Variants in FSTL4 observed in about 807,000 individuals in gnomAD.
FSTL4 encodes the protein follistatin-related protein 4.
A neutral mutation model predicts 78.2 loss-of-function variants in FSTL4; 28 were observed. The ratio of observed to expected loss-of-function variants is 0.36; its 90% CI spans 0.27 to 0.49. FSTL4 has a LOEUF of 0.49. Among genes scored for constraint, FSTL4 ranks in the 20% least tolerant of loss-of-function variants. The probability of loss-of-function intolerance (pLI) is 0.98; values close to 1 mark genes in which losing one functional copy is unlikely to be tolerated. For synonymous variants in FSTL4, 422 were observed against 440.5 expected (o/e 0.96, Z 0.53); for missense variants, 922 against 1,084.9 (o/e 0.85, Z 2.11).
chr5:133,475,616 A>G (rs1045801692), intron 3 of FSTL4, among the ~76,000 whole-genome samples: 2 of 152,252 alleles, frequency 1.3e-5, no homozygotes, highest in African/African-American at 4.8e-5. Flanking sequence ...GCAAAGTCTC[A>G]GGTGCAGGTG....
rs113288000 is a variant in FSTL4 at position 133,272,132 on chromosome 5, A to G, written c.728-22556T>C. Among the ~76,000 whole-genome samples the G allele has an allele frequency of 5.3e-3, 809 of 152,364 alleles. 6 individuals are homozygous for G. Among genetic ancestry groups the G allele is most frequent in the African/African-American group, 0.019 (779 of 41,582 alleles). ...AACAGGAGACATCCCAACAAGGGGA[A>G]TGTACCAGGAATGTCAATTCCTACA... On this transcript the variant is annotated intron_variant, in intron 6 of 15. Coordinates refer to ENST00000265342, the MANE Select transcript of FSTL4 (RefSeq NM_015082.2).
At chr5:133,530,251 A>C (rs757539682) in intron 3 of FSTL4, among the ~76,000 whole-genome samples, 1 of 152,210 alleles carries the variant, frequency 6.6e-6, no homozygotes, top group Non-Finnish European at 1.5e-5. Flanking sequence ...CATCTTCTGA[A>C]GCTGCAGCAT....
chr5:133,316,738 C>T, intron 4 of FSTL4, 86 bp from the exon 5 acceptor site: 1 of 1,101,570 alleles, frequency 9.1e-7, no homozygotes, highest in South Asian at 1.5e-5. Flanking sequence ...TCATCTCACT[C>T]ACAAATAGCC....
At chr5:133,753,727 G>GTGTGTGTGTA in the FSTL4 span, among the ~76,000 whole-genome samples, 7,213 of 134,234 alleles carry the variant, frequency 0.054, 238 homozygotes, top group Middle Eastern at 0.075. Flanking sequence ...GTGTGTGTGT[G>GTGTGTGTGTA]TAGTGGCAGG....
the FSTL4 span, among the ~76,000 whole-genome samples, chr5:133,828,893 G>T: frequency 6.6e-6 from 1 of 152,198 alleles, no homozygotes; most frequent in Non-Finnish European, 1.5e-5. Context: ...TTTTGATGCT[G>T]TAACTCAATT....
chr5:133,335,413 G>T (rs769463051), intron 4 of FSTL4, among the ~76,000 whole-genome samples: 3 of 151,922 alleles, frequency 2.0e-5, no homozygotes, highest in Non-Finnish European at 4.4e-5. Flanking sequence ...TTCAGCTCAC[G>T]TGACACAAAA....
At chr5:133,433,795 C>A (rs113700506) in intron 3 of FSTL4, among the ~76,000 whole-genome samples, 2 of 151,992 alleles carry the variant, frequency 1.3e-5, no homozygotes, top group African/African-American at 4.8e-5. Context: ...GGGGGAAGCA[C>A]GGCAGGCAGA....
At chr5:133,695,952 C>G in the FSTL4 span, among the ~76,000 whole-genome samples, 18 of 152,232 alleles carry the variant, frequency 1.2e-4, no homozygotes, top group African/African-American at 4.1e-4. Flanking sequence ...GGCCAGCCCA[C>G]CTCCCTCATT....
At chr5:133,436,384 C>T (rs1315959948) in intron 3 of FSTL4, among the ~76,000 whole-genome samples, 1 of 151,962 alleles carries the variant, frequency 6.6e-6, no homozygotes, top group Non-Finnish European at 1.5e-5. Context: ...TGACCTGTGG[C>T]AGGAAGGAGT....
intron 3 of FSTL4, among the ~76,000 whole-genome samples, chr5:133,493,885 A>T (rs10066646): frequency 6.6e-6 from 1 of 152,318 alleles, no homozygotes; most frequent in African/African-American, 2.4e-5. Context: ...TCTGCCGGAT[A>T]TTGAACCTTC....
At chr5:133,802,450 A>G in the FSTL4 span, among the ~76,000 whole-genome samples, 1 of 152,156 alleles carries the variant, frequency 6.6e-6, no homozygotes, top group Non-Finnish European at 1.5e-5. Flanking sequence ...GGCAAATACA[A>G]CATCACTGAA....
the FSTL4 span, among the ~76,000 whole-genome samples, chr5:133,804,102 C>G: frequency 6.6e-6 from 1 of 152,202 alleles, no homozygotes; most frequent in African/African-American, 2.4e-5. Flanking sequence ...CATCCCACCT[C>G]CAACAATTGG....
chr5:133,548,304 T>C (rs549538739), intron 3 of FSTL4, among the ~76,000 whole-genome samples: 1 of 151,582 alleles, frequency 6.6e-6, no homozygotes, highest in South Asian at 2.1e-4. Flanking sequence ...ACCCTGAACC[T>C]ATGGTTAGCG....
At chr5:133,780,189 C>T in the FSTL4 span, among the ~76,000 whole-genome samples, 5 of 152,192 alleles carry the variant, frequency 3.3e-5, no homozygotes, top group South Asian at 2.1e-4. Flanking sequence ...GAGGCCAGTC[C>T]GCCAATGCAG....
the FSTL4 span, among the ~76,000 whole-genome samples, chr5:133,691,333 C>G: frequency 6.6e-6 from 1 of 152,094 alleles, no homozygotes; most frequent in African/African-American, 2.4e-5. Flanking sequence ...CAATGTATCT[C>G]TAATGTCTTC....
At chr5:133,379,225 A>G (rs1166588224) in intron 4 of FSTL4, among the ~76,000 whole-genome samples, 1 of 152,164 alleles carries the variant, frequency 6.6e-6, no homozygotes, top group Admixed American at 6.5e-5. Flanking sequence ...AGTTTTAGAC[A>G]TATACACATC....
chr5:133,323,965 A>G (rs1292982210), intron 4 of FSTL4, among the ~76,000 whole-genome samples: 1 of 152,150 alleles, frequency 6.6e-6, no homozygotes, highest in East Asian at 1.9e-4. Flanking sequence ...TCTCATTCCC[A>G]CTGCACTCCC....
intron 3 of FSTL4, among the ~76,000 whole-genome samples, chr5:133,522,815 C>T (rs1439200021): frequency 2.6e-5 from 4 of 152,326 alleles, no homozygotes; most frequent in East Asian, 1.9e-4. Flanking sequence ...AGATTTGAAA[C>T]GCTAAGTGCC....
chr5:133,562,032 G>C (rs1343181503), intron 3 of FSTL4, among the ~76,000 whole-genome samples: 1 of 152,148 alleles, frequency 6.6e-6, no homozygotes, highest in Admixed American at 6.6e-5. Context: ...GACTGTAGAA[G>C]AACACTCAGT....
Sources: gnomAD v4.1 joint callset for allele counts (sites outside exome capture counted in the v4.1 genomes callset) on GRCh38, gnomAD v4.1.1 for gene constraint, MANE v1.5 for transcripts, NCBI Gene and HGNC (gene_info 2026-07-23, HGNC 2026-07-21) for gene names.